Variants in CFH observed in about 807,000 individuals in gnomAD.
The protein encoded by CFH is complement factor H.
A neutral mutation model predicts 147.3 loss-of-function variants in CFH; 53 were observed. That is an observed-to-expected ratio of 0.36 (90% confidence interval 0.29 to 0.45). The LOEUF is 0.45. Ranked by LOEUF, CFH falls within the 20% of genes least tolerant of loss-of-function variation. The pLI, the probability that CFH is intolerant of heterozygous loss-of-function variation, is 1.00. For missense variants in CFH, 1,380 were observed against 1,498.0 expected, an observed-to-expected ratio of 0.92 and a Z score of 1.30; for synonymous variants, 536 against 489.4, an observed-to-expected ratio of 1.10 and a Z score of -1.26.
chr1:196,671,822 CTTA>C (rs1317020679), intron 1 of CFH, among the ~76,000 whole-genome samples: 4 of 148,836 alleles, frequency 2.7e-5, no homozygotes, highest in African/African-American at 9.8e-5. Context: ...TGACTCTGTT[CTTA>C]TATATATATA....
chr1:196,722,409 G>A (rs2149106821), intron 11 of CFH, among the ~76,000 whole-genome samples: 1 of 152,126 alleles, frequency 6.6e-6, no homozygotes, highest in South Asian at 2.1e-4. Flanking sequence ...CCTGAAAATA[G>A]GACACCAATA....
intron 9 of CFH, among the ~76,000 whole-genome samples, chr1:196,695,100 C>T (rs547880137): frequency 1.5e-3 from 226 of 151,816 alleles, no homozygotes; most frequent in South Asian, 3.7e-3. Flanking sequence ...CCTGAATAAC[C>T]TACTGCCTAG....
intron 9 of CFH, among the ~76,000 whole-genome samples, chr1:196,710,143 C>A (rs116577524): frequency 6.6e-6 from 1 of 151,988 alleles, no homozygotes; most frequent in Non-Finnish European, 1.5e-5. Flanking sequence ...TGACTTCATC[C>A]CCCTTACCCT....
chr1:196,665,344 A>C (rs572787229), intron 1 of CFH, among the ~76,000 whole-genome samples: 9 of 150,442 alleles, frequency 6.0e-5, no homozygotes, highest in Non-Finnish European at 1.3e-4. Flanking sequence ...ATATTTATTC[A>C]TACTTTTTAA....
At chr1:196,666,564 A>G (rs1047741585) in intron 1 of CFH, among the ~76,000 whole-genome samples, 4 of 151,670 alleles carry the variant, frequency 2.6e-5, no homozygotes, top group African/African-American at 9.7e-5. Flanking sequence ...AGGTGGGCGG[A>G]TCACTTTTGG....
intron 20 of CFH, among the ~76,000 whole-genome samples, chr1:196,744,015 T>A (rs1214607700): frequency 6.6e-6 from 1 of 152,120 alleles, no homozygotes; most frequent in Non-Finnish European, 1.5e-5. Context: ...ATCTTCAGTA[T>A]ATGGATTATA....
intron 21 of CFH, 69 bp downstream of exon 21, chr1:196,746,068 C>G (rs756343634): frequency 1.9e-6 from 3 of 1,607,562 alleles, no homozygotes; most frequent in East Asian, 2.2e-5. Flanking sequence ...CTGTTTGTAA[C>G]AAAATACTCA....
intron 7 of CFH, among the ~76,000 whole-genome samples, chr1:196,687,915 C>T (rs1010787020): frequency 4.4e-4 from 67 of 152,110 alleles, no homozygotes; most frequent in African/African-American, 1.6e-3. Context: ...GTATCATTCA[C>T]TAGTCTTTAT....
At chr1:196,742,284 G>A (rs1054692871) in intron 19 of CFH, among the ~76,000 whole-genome samples, 1 of 152,184 alleles carries the variant, frequency 6.6e-6, no homozygotes, top group East Asian at 1.9e-4. Flanking sequence ...ACTGAGGCAG[G>A]AGAATCGCTT....
chr1:196,699,339 C>T (rs1274598224), intron 9 of CFH, among the ~76,000 whole-genome samples: 1 of 152,068 alleles, frequency 6.6e-6, no homozygotes, highest in African/African-American at 2.4e-5. Context: ...CATCTATGTA[C>T]CTCCTTTGGT....
At chr1:196,708,071 T>C (rs1445252230) in intron 9 of CFH, among the ~76,000 whole-genome samples, 10 of 152,174 alleles carry the variant, frequency 6.6e-5, no homozygotes, top group Admixed American at 6.6e-4. Context: ...ACTCATTATG[T>C]GGACATTCTA....
intron 6 of CFH, among the ~76,000 whole-genome samples, chr1:196,682,977 A>C (rs567963832): frequency 9.4e-4 from 90 of 95,970 alleles, no homozygotes; most frequent in Middle Eastern, 9.9e-3. Context: ...AAAACTTTAT[A>C]AAATTTTATG....
rs183389578 is a variant in CFH at position 196,704,982 on chromosome 1, C to G, written c.1337-8753C>G. ...GTCCAGAGTCCCATGAAGTGTTTGC[C>G]TTTGAATAGGAAGACTCTGACACTA... On this transcript the variant is annotated intron_variant, in intron 9 of 21. Transcript: ENST00000367429. Among the ~76,000 whole-genome samples, 3 of 152,258 alleles carry G rather than the reference C, an allele frequency of 2.0e-5. No homozygotes were observed. The East Asian group carries it at 5.8e-4, about 29-fold the overall frequency.
chr1:196,698,320 T>C (rs970064577), intron 9 of CFH, among the ~76,000 whole-genome samples: 1 of 151,872 alleles, frequency 6.6e-6, no homozygotes, highest in Non-Finnish European at 1.5e-5. Context: ...CAAAGTACAC[T>C]ACTAGCCATA....
In CFH at chr1:196,713,789, A is replaced by G. The variant is rs769569978; in HGVS notation, c.1391A>G (p.Gln464Arg). Residue 464 changes from glutamine to arginine, a missense_variant, in exon 10 of 22, where the codon CAG becomes CGG. This residue lies in a region of CFH where 830 missense variants were observed against 821.4 expected (regional missense o/e 1.01). Coordinates refer to ENST00000367429, the MANE Select transcript of CFH (RefSeq NM_000186.4). ...GAGAATGGGTTTATTTCTGAATCTC[A>G]GTATACATATGCCTTAAAAGAAAAA... Reference protein sequence around the residue: ...DIENGFISESQYTYALKEKAK... With the variant: ...DIENGFISESRYTYALKEKAK... 8 of 1,604,960 alleles carry G rather than the reference A, an allele frequency of 5.0e-6. No homozygotes were observed. The highest frequency in any genetic ancestry group is 6.0e-6 in the Non-Finnish European group (7 of 1,172,358).
In CFH at chr1:196,726,483, A is replaced by C. The variant is rs1669140349; in HGVS notation, c.1887A>C (p.Ser629=). The C allele has an allele frequency of 6.2e-7, 1 of 1,610,736 alleles. No homozygotes were observed. The highest frequency in any genetic ancestry group is 8.5e-7 in the Non-Finnish European group (1 of 1,177,402). The change falls in exon 13 of 22, where the codon TCA becomes TCC. Residue 629 remains serine (S), a synonymous_variant. Transcript: ENST00000367429. ...TTTCTACTATAGAGCAAGTACAATCATGTGGTCCACCTCCTGAACTCCTCA... is the reference window on the plus strand; with the variant it reads ...TTTCTACTATAGAGCAAGTACAATCCTGTGGTCCACCTCCTGAACTCCTCA... ...DLPICKEQVQ[S]CGPPPELLNG... is the part of the protein sequence containing the mutation.
At chr1:196,656,219 G>A (rs1444776194) in intron 1 of CFH, among the ~76,000 whole-genome samples, 1 of 151,690 alleles carries the variant, frequency 6.6e-6, no homozygotes, top group Non-Finnish European at 1.5e-5. Context: ...CAGGAGAATT[G>A]CTTGAATCAG....
intron 10 of CFH, among the ~76,000 whole-genome samples, chr1:196,714,684 G>T (rs1352976131): frequency 1.2e-3 from 103 of 82,746 alleles, no homozygotes; most frequent in Non-Finnish European, 1.9e-3. Context: ...GAGAGAGAGA[G>T]AGAGAGAGAG....
At chr1:196,670,667 T>A (rs1032325065) in intron 1 of CFH, among the ~76,000 whole-genome samples, 3 of 152,204 alleles carry the variant, frequency 2.0e-5, no homozygotes, top group Non-Finnish European at 2.9e-5. Flanking sequence ...CTTTTCTTTA[T>A]AAATTACCCA....
Sources: allele counts gnomAD v4.1 joint callset (sites outside exome capture counted in the v4.1 genomes callset), GRCh38; gene constraint gnomAD v4.1.1; regional missense constraint gnomAD v4.1.1; transcripts MANE v1.5; gene names NCBI Gene and HGNC (gene_info 2026-07-23, HGNC 2026-07-21).